KCNIP1: variants seen among roughly 807,000 people sequenced by gnomAD.
The protein encoded by KCNIP1 is A-type potassium channel modulatory protein KCNIP1.
In KCNIP1, 18 loss-of-function variants were observed where a neutral mutation model predicts 33.0. That is an observed-to-expected ratio of 0.55 (90% CI 0.38 to 0.81). The LOEUF (loss-of-function observed/expected upper bound fraction) is 0.81. KCNIP1 is among the 30% of genes least tolerant of loss of function. The pLI is 0.00. For synonymous variants in KCNIP1, 93 were observed against 98.3 expected, an observed-to-expected ratio of 0.95 and a Z score of 0.32; for missense variants, 238 against 271.6, an observed-to-expected ratio of 0.88 and a Z score of 0.87.
At chr5:170,721,689 A>G in intron 3 of KCNIP1, 144 bp from the exon 4 acceptor site, 4 of 1,568,620 alleles carry the variant, frequency 2.6e-6, no homozygotes, top group Non-Finnish European at 2.6e-6. Context: ...AGTTGAGTCA[A>G]TGGGCCCCAC....
At position 170,704,090 on chromosome 5, in the gene KCNIP1, T is replaced by TA. The variant is rs1381457081; in HGVS notation, c.62-14667dup. Among the ~76,000 whole-genome samples the TA allele has an allele frequency of 2.2e-5, 3 of 136,748 alleles. 1 individual carries two copies. The highest frequency in any genetic ancestry group is 8.1e-5 in the African/African-American group (3 of 37,260). 89.7% of individuals were successfully genotyped at this position (136,748 alleles called of 152,430 possible). Reference sequence around the variant, plus strand: ...AGAGCTGCCCAGAGGAGATGGCACTTACGCCATGTTTTAAGGGTGGATAGG... The same window carrying TA: ...AGAGCTGCCCAGAGGAGATGGCACTTAACGCCATGTTTTAAGGGTGGATAGG... On this transcript the variant is annotated intron_variant, in intron 1 of 7. Transcript: ENST00000328939.
chr5:170,393,161 A>C (rs1754659753), intron 1 of KCNIP1, among the ~76,000 whole-genome samples: 2 of 152,234 alleles, frequency 1.3e-5, no homozygotes, highest in South Asian at 4.1e-4. Context: ...CTGTCACCCC[A>C]TGACTCCCTT....
At position 170,680,907 on chromosome 5, in the gene KCNIP1, AG is replaced by A. The variant is rs150801690; in HGVS notation, c.62-37847del. ...GTAGGAGGAGGAGAGAGGTGGAGGG[AG>A]GGGTAGGAGTGGAAGGAAGGGAGGG... On this transcript the variant is annotated intron_variant, in intron 1 of 7. Coordinates refer to ENST00000328939, the MANE Select transcript of KCNIP1 (RefSeq NM_014592.4). 1.6e-4 allele frequency: 63 copies of A among 396,074 alleles called. No individual in the cohort carries two copies. In the East Asian group the frequency reaches 2.1e-3, roughly 13 times the overall value. 24.5% of individuals were successfully genotyped at this position (396,074 alleles called of 1,614,324 possible).
At chr5:170,710,695 C>T (rs575341944) in intron 1 of KCNIP1, among the ~76,000 whole-genome samples, 2 of 152,156 alleles carry the variant, frequency 1.3e-5, no homozygotes, top group Non-Finnish European at 2.9e-5. Flanking sequence ...TTTTTAAATC[C>T]TTTTTATCCA....
At chr5:170,579,069 T>C (rs1044633734) in intron 1 of KCNIP1, among the ~76,000 whole-genome samples, 1 of 152,202 alleles carries the variant, frequency 6.6e-6, no homozygotes, top group Non-Finnish European at 1.5e-5. Context: ...CAAACCTCAA[T>C]GGCATAGTAG....
At chr5:170,568,648 T>TAAAGAAAAA (rs1757286600) in intron 1 of KCNIP1, among the ~76,000 whole-genome samples, 1 of 43,714 alleles carries the variant, frequency 2.3e-5, no homozygotes, top group African/African-American at 6.4e-5. Context: ...CCGTTTCTAC[T>TAAAGAAAAA]AAAAAAAAAA....
intron 1 of KCNIP1, among the ~76,000 whole-genome samples, chr5:170,357,718 G>A (rs559141424): frequency 1.3e-5 from 2 of 152,252 alleles, no homozygotes; most frequent in African/African-American, 4.8e-5. Flanking sequence ...TATAGAGACA[G>A]GGTCTCACTA....
At chr5:170,561,066 G>A in intron 1 of KCNIP1, 1 of 455,678 alleles carries the variant, frequency 2.2e-6, no homozygotes, top group South Asian at 1.6e-5. Flanking sequence ...GCTGGTGCGT[G>A]GCTGTGCTGT....
In KCNIP1 at chr5:170,679,721, G is replaced by T. The variant is rs1243920474; in HGVS notation, c.62-39037G>T. ...TAATAGTGGTACTAAACAACTTAGG[G>T]TGTTTTTTTTTTCATTTAATAGTAT... is the stretch of plus-strand genomic sequence containing the variant. On this transcript the variant is annotated intron_variant, in intron 1 of 7. Coordinates refer to ENST00000328939, the MANE Select transcript of KCNIP1 (RefSeq NM_014592.4). 2.0e-5 allele frequency among the ~76,000 whole-genome samples: 3 copies of T among 149,580 alleles called. 1 individual carries two copies. Among genetic ancestry groups the T allele is most frequent in the Non-Finnish European group, 1.5e-5 (1 of 67,634 alleles).
At chr5:170,597,820 T>TATATATATATATATATATATATATGAAA (rs1441774904) in intron 1 of KCNIP1, among the ~76,000 whole-genome samples, 3 of 56,342 alleles carry the variant, frequency 5.3e-5, no homozygotes, top group Admixed American at 2.1e-4. Flanking sequence ...TATATATATA[T>TATATATATATATATATATATATATGAAA]ATATATATAT....
intron 1 of KCNIP1, among the ~76,000 whole-genome samples, chr5:170,417,638 T>G (rs1755365378): frequency 6.6e-6 from 1 of 152,162 alleles, no homozygotes; most frequent in East Asian, 1.9e-4. Flanking sequence ...ATTCCCTGTT[T>G]TTTTTGTGGG....
intron 1 of KCNIP1, among the ~76,000 whole-genome samples, chr5:170,708,154 G>A (rs560789015): frequency 1.3e-5 from 2 of 152,112 alleles, no homozygotes; most frequent in East Asian, 1.9e-4. Context: ...GGGACTTTCC[G>A]TCCCATCCCC....
At chr5:170,640,303 T>A (rs2113695490) in intron 1 of KCNIP1, among the ~76,000 whole-genome samples, 1 of 152,280 alleles carries the variant, frequency 6.6e-6, no homozygotes, top group South Asian at 2.1e-4. Context: ...CATTAGTATA[T>A]CAACATTGTG....
chr5:170,536,974 G>T (rs778445313), intron 1 of KCNIP1, among the ~76,000 whole-genome samples: 3 of 152,076 alleles, frequency 2.0e-5, no homozygotes, highest in Non-Finnish European at 4.4e-5. Flanking sequence ...CTGAAGGAGA[G>T]ATTATGCTCC....
rs59715597 is a variant in KCNIP1 at position 170,368,248 on chromosome 5, T to TTTTGTTTG, written c.88+14308_88+14315dup. Among the ~76,000 whole-genome samples, 1,172 of 151,552 alleles carry TTTTGTTTG rather than the reference T, an allele frequency of 7.7e-3. 19 individuals carry two copies. The highest frequency in any genetic ancestry group is 0.037 in the Admixed American group (556 of 15,216). On this transcript the variant is annotated intron_variant, in intron 1 of 7. Transcript: ENST00000377360. ...TGGATTAAAGGTGAGTTTTTAAAGT[T>TTTTGTTTG]TTTGTTTGTTTGTTTGTTTGTTTGT...
Position 170,491,251 on chromosome 5 carries a change from G to GATGA in KCNIP1, c.88+137305_88+137308dup, listed in dbSNP as rs757899570. The stretch of plus-strand genomic sequence containing the variant: ...AGGAGTGCAGTGAATATCAATGGTA[G>GATGA]ATGAATGAATGAATGAATGAAGAAT... On this transcript the variant is annotated intron_variant, in intron 1 of 7. Coordinates refer to the KCNIP1 transcript ENST00000377360. 6.2e-3 allele frequency among the ~76,000 whole-genome samples: 938 copies of GATGA among 152,292 alleles called. 6 individuals carry two copies. Among genetic ancestry groups the GATGA allele is most frequent in the Non-Finnish European group, 8.0e-3 (544 of 68,014 alleles).
At chr5:170,502,146 T>G (rs569664661), upstream of KCNIP1, among the ~76,000 whole-genome samples, 147 of 152,226 alleles carry the variant, frequency 9.7e-4, no homozygotes, top group Non-Finnish European at 1.9e-3. Flanking sequence ...AGCCTCAATT[T>G]CTCTCTGGGG....
intron 1 of KCNIP1, among the ~76,000 whole-genome samples, chr5:170,443,654 A>G (rs1756044192): frequency 6.6e-6 from 1 of 152,212 alleles, no homozygotes; most frequent in South Asian, 2.1e-4. Context: ...CCTCGTCCTG[A>G]GTTCTCCTCT....
chr5:170,359,359 T>C (rs529914425), intron 1 of KCNIP1, among the ~76,000 whole-genome samples: 1 of 152,286 alleles, frequency 6.6e-6, no homozygotes, highest in African/African-American at 2.4e-5. Flanking sequence ...AGCAGAAGCC[T>C]TCACACTGGG....
Sources: gnomAD v4.1 joint callset for allele counts (sites outside exome capture counted in the v4.1 genomes callset) on GRCh38, gnomAD v4.1.1 for gene constraint, MANE v1.5 for transcripts, NCBI Gene and HGNC (gene_info 2026-07-23, HGNC 2026-07-21) for gene names.